GPC5: variants seen among roughly 807,000 people sequenced by gnomAD.
GPC5 encodes glypican 5.
Under a neutral mutation model 53.9 loss-of-function variants are expected in GPC5, and 47 were observed. That is an observed-to-expected ratio of 0.87 (90% CI 0.69 to 1.11). The LOEUF is 1.11. Among genes scored for constraint, GPC5 ranks in the 50% most tolerant of loss-of-function variants. The pLI is 0.00. For synonymous variants in GPC5, 286 were observed against 263.3 expected, an observed-to-expected ratio of 1.09 and a Z score of -0.84; for missense variants, 748 against 713.1, an observed-to-expected ratio of 1.05 and a Z score of -0.56.
chr13:91,708,887 A>G (rs559232455), intron 3 of GPC5, among the ~76,000 whole-genome samples: 156 of 152,342 alleles, frequency 1.0e-3, no homozygotes, highest in Middle Eastern at 6.8e-3. Context: ...CATATTAAAT[A>G]TGTTTTTAGA....
At chr13:92,628,536 A>G (rs868364589) in intron 7 of GPC5, among the ~76,000 whole-genome samples, 36 of 152,108 alleles carry the variant, frequency 2.4e-4, no homozygotes, top group Admixed American at 1.0e-3. Context: ...GCTCTCAGGT[A>G]TCCAAAACAG....
chr13:92,776,419 C>A (rs560435141), intron 7 of GPC5, among the ~76,000 whole-genome samples: 1 of 152,296 alleles, frequency 6.6e-6, no homozygotes, highest in South Asian at 2.1e-4. Context: ...TGTGATCCCA[C>A]GGGGCCCACC....
intron 2 of GPC5, among the ~76,000 whole-genome samples, chr13:91,476,201 G>T (rs755585641): frequency 6.6e-6 from 1 of 152,096 alleles, no homozygotes; most frequent in Non-Finnish European, 1.5e-5. Flanking sequence ...CCCCTTCCCC[G>T]TTCCCAGCCA....
intron 1 of GPC5, among the ~76,000 whole-genome samples, chr13:91,424,765 G>A (rs994487175): frequency 3.3e-5 from 5 of 152,194 alleles, no homozygotes; most frequent in Admixed American, 2.0e-4. Context: ...ACTGGGCCCA[G>A]TGTGAAGGCT....
chr13:92,584,198 GA>G (rs1883462763), intron 7 of GPC5, among the ~76,000 whole-genome samples: 1 of 152,174 alleles, frequency 6.6e-6, no homozygotes, highest in African/African-American at 2.4e-5. Flanking sequence ...GGAGAGCTCA[GA>G]AGAAGACAGG....
intron 4 of GPC5, among the ~76,000 whole-genome samples, chr13:91,729,357 T>C (rs2036645252): frequency 6.6e-6 from 1 of 152,138 alleles, no homozygotes; most frequent in Non-Finnish European, 1.5e-5. Context: ...GAAATTATTA[T>C]ATGTGTGTGT....
At chr13:91,948,278 TATA>T (rs1158320576) in intron 6 of GPC5, among the ~76,000 whole-genome samples, 1 of 150,896 alleles carries the variant, frequency 6.6e-6, no homozygotes, top group African/African-American at 2.4e-5. Flanking sequence ...TAAATATACT[TATA>T]ATGCTTATTC....
At chr13:92,765,457 A>G (rs1473634521) in intron 7 of GPC5, among the ~76,000 whole-genome samples, 1 of 152,242 alleles carries the variant, frequency 6.6e-6, no homozygotes, top group African/African-American at 2.4e-5. Flanking sequence ...TTCTACTAAA[A>G]AGAACTCTAA....
chr13:92,863,423 C>G lies in GPC5; in HGVS notation c.1562-2859C>G, dbSNP rs116159612. On this transcript the variant is annotated intron_variant, in intron 7 of 7. Coordinates refer to ENST00000377067, the MANE Select transcript of GPC5 (RefSeq NM_004466.6). ...TGTACCTGACACCACAGCAAGGGCT[C>G]TGTAGATATTATCAAATAAATTAAT... Among the ~76,000 whole-genome samples, 1,085 of 152,320 alleles carry G rather than the reference C, an allele frequency of 7.1e-3. 13 individuals carry two copies. Among genetic ancestry groups the G allele is most frequent in the African/African-American group, 0.025 (1,032 of 41,578 alleles).
chr13:92,102,142 T>C (rs2041472226), intron 6 of GPC5, among the ~76,000 whole-genome samples: 1 of 151,880 alleles, frequency 6.6e-6, no homozygotes, highest in African/African-American at 2.4e-5. Context: ...TTGAAGGACA[T>C]GGGTGAACTC....
At chr13:91,505,928 A>T (rs1884914383) in intron 2 of GPC5, among the ~76,000 whole-genome samples, 1 of 152,176 alleles carries the variant, frequency 6.6e-6, no homozygotes, top group Non-Finnish European at 1.5e-5. Context: ...AGCAGTTTAA[A>T]AGTGCAATAT....
At chr13:91,890,819 G>T (rs981837632) in intron 5 of GPC5, among the ~76,000 whole-genome samples, 3 of 152,068 alleles carry the variant, frequency 2.0e-5, no homozygotes, top group African/African-American at 4.8e-5. Context: ...ATCCTGTCAT[G>T]CAAAAAAGAA....
At chr13:92,858,362 C>A (rs542429063) in intron 7 of GPC5, among the ~76,000 whole-genome samples, 3 of 152,112 alleles carry the variant, frequency 2.0e-5, no homozygotes, top group Non-Finnish European at 4.4e-5. Context: ...GATGGTGAGG[C>A]CTCCCCAGCT....
chr13:92,222,053 T>C (rs2139089024), intron 7 of GPC5, among the ~76,000 whole-genome samples: 1 of 152,308 alleles, frequency 6.6e-6, no homozygotes, highest in African/African-American at 2.4e-5. Context: ...GGGAACTTTC[T>C]TATCTCTTTT....
intron 2 of GPC5, among the ~76,000 whole-genome samples, chr13:91,615,955 A>T (rs1230546081): frequency 6.6e-6 from 1 of 152,172 alleles, no homozygotes; most frequent in Non-Finnish European, 1.5e-5. Context: ...TCTGAGAATC[A>T]GATTTACCAT....
intron 7 of GPC5, among the ~76,000 whole-genome samples, chr13:92,631,338 A>T (rs140886422): frequency 1.9e-3 from 286 of 152,302 alleles, no homozygotes; most frequent in African/African-American, 6.6e-3. Context: ...ATTTCTAGAC[A>T]GCCAAGTTTA....
chr13:91,993,198 A>T (rs2040472803), intron 6 of GPC5, among the ~76,000 whole-genome samples: 1 of 152,178 alleles, frequency 6.6e-6, no homozygotes, highest in African/African-American at 2.4e-5. Flanking sequence ...GCTCTGTTGG[A>T]TGCCTTTATT....
chr13:92,634,988 G>A (rs976308508), intron 7 of GPC5, among the ~76,000 whole-genome samples: 3 of 150,678 alleles, frequency 2.0e-5, no homozygotes, highest in Non-Finnish European at 4.4e-5. Flanking sequence ...ATATTTTACT[G>A]TTAACATATT....
chr13:92,703,980 T>C (rs1055403953), intron 7 of GPC5, among the ~76,000 whole-genome samples: 8 of 152,036 alleles, frequency 5.3e-5, no homozygotes, highest in African/African-American at 1.9e-4. Context: ...AGAAATAAAA[T>C]GTTTCCATCA....
Sources: allele counts gnomAD v4.1 joint callset (sites outside exome capture counted in the v4.1 genomes callset), GRCh38; gene constraint gnomAD v4.1.1; transcripts MANE v1.5; gene names NCBI Gene and HGNC (gene_info 2026-07-23, HGNC 2026-07-21).